ZFHX3: variants seen among roughly 807,000 people sequenced by gnomAD.
ZFHX3 encodes the protein zinc finger homeobox protein 3.
A neutral mutation model predicts 279.1 loss-of-function variants in ZFHX3; 42 were observed. That is an observed-to-expected ratio of 0.15 (90% CI 0.12 to 0.19). The LOEUF is 0.19. ZFHX3 is among the 10% of genes least tolerant of loss of function. ZFHX3 has a pLI of 1.00. For synonymous variants in ZFHX3, 2,293 were observed against 1,957.8 expected, an observed-to-expected ratio of 1.17 and a Z score of -4.52; for missense variants, 4,981 against 4,754.0, an observed-to-expected ratio of 1.05 and a Z score of -1.40.
intron 4 of ZFHX3, among the ~76,000 whole-genome samples, chr16:72,867,425 C>T (rs879717966): frequency 2.0e-5 from 3 of 152,190 alleles, no homozygotes; most frequent in South Asian, 2.1e-4. Flanking sequence ...GTGTCCCCTT[C>T]TATCTGGAAG....
chr16:73,742,240 G>A lies in ZFHX3; in HGVS notation c.-1607-62000C>T, dbSNP rs78909801. Among the ~76,000 whole-genome samples, 1,349 of 152,232 alleles carry A rather than the reference G, an allele frequency of 8.9e-3. 28 individuals are homozygous for A. The highest frequency in any genetic ancestry group is 0.03 in the African/African-American group (1,254 of 41,540). On this transcript the variant is annotated intron_variant, in intron 1 of 17. Transcript: ENST00000641206. ...ACACAAACACATTACTTTCTATCAT[G>A]CCTTTGTCTAGTTCACCCATTTTAA... is the stretch of plus-strand genomic sequence containing the variant.
chr16:73,698,860 T>C (rs540391855), intron 1 of ZFHX3, among the ~76,000 whole-genome samples: 1 of 77,444 alleles, frequency 1.3e-5, no homozygotes, highest in Admixed American at 1.4e-4. Context: ...AAATACAGTT[T>C]TATTTTTGTT....
Position 73,306,609 on chromosome 16 carries a change from C to A in ZFHX3, c.-1194+11631G>T, listed in dbSNP as rs921373158. Among the ~76,000 whole-genome samples the A allele has an allele frequency of 2.0e-5, 3 of 152,240 alleles. 1 individual carries two copies. The highest frequency in any genetic ancestry group is 4.4e-5 in the Non-Finnish European group (3 of 68,050). ...AAGTGCTGGGATTGGAGGCGTGAGC[C>A]ACTGCATCTGGCCCGCATGAATATT... On this transcript the variant is annotated intron_variant, in intron 4 of 17. Transcript: ENST00000641206.
At chr16:72,976,973 T>G (rs1348724675) in intron 1 of ZFHX3, among the ~76,000 whole-genome samples, 1 of 152,212 alleles carries the variant, frequency 6.6e-6, no homozygotes. Context: ...ATATTTTAGG[T>G]TGACCATTTC....
At chr16:73,157,174 G>A (rs1012122865) in intron 5 of ZFHX3, among the ~76,000 whole-genome samples, 3 of 152,104 alleles carry the variant, frequency 2.0e-5, no homozygotes, top group Admixed American at 6.5e-5. Flanking sequence ...AGGCCCCAAA[G>A]GGCTGTCTCC....
At chr16:73,648,253 C>T (rs1448380162) in intron 2 of ZFHX3, among the ~76,000 whole-genome samples, 1 of 152,148 alleles carries the variant, frequency 6.6e-6, no homozygotes, top group Non-Finnish European at 1.5e-5. Context: ...CTAAATTACT[C>T]ATTTTTCAGG....
rs199530649 is a variant in ZFHX3 at position 72,787,653 on chromosome 16, C to G, written c.10623G>C (p.Glu3541Asp). The change falls in exon 10 of 10, where the codon GAG becomes GAC. Residue 3541 changes from glutamate to aspartate, a missense_variant. Physicochemically the swap from Glu to Asp is conservative, Grantham distance 45. Around this residue, in one of 7 missense-constraint regions of ZFHX3, gnomAD observed 1,034 missense variants for 786.0 expected, o/e 1.32. Transcript: ENST00000268489. ...ACTCGAGATGTTGACTCAGAGCTTC[C>G]TCCCCACAGAGCGCGCTCTCGCACG... ...CLACESALCG[E>D]EALSQHLESA... is the part of the protein sequence containing the mutation. 4.5e-5 allele frequency: 72 copies of G among 1,597,860 alleles called. 1 individual carries two copies. In the Admixed American group the frequency reaches 1.2e-3, roughly 27 times the overall value.
At chr16:73,271,271 G>A (rs1371096554) in intron 4 of ZFHX3, among the ~76,000 whole-genome samples, 1 of 152,124 alleles carries the variant, frequency 6.6e-6, no homozygotes, top group African/African-American at 2.4e-5. Flanking sequence ...AACCAAATGG[G>A]CCCTTTTTGT....
intron 1 of ZFHX3, among the ~76,000 whole-genome samples, chr16:73,821,069 G>C (rs1284226517): frequency 6.6e-6 from 1 of 152,134 alleles, no homozygotes; most frequent in African/African-American, 2.4e-5. Flanking sequence ...CACAGTCAGG[G>C]GGTGGAGAAA....
At chr16:73,051,948 G>A (rs746545803), upstream of ZFHX3, among the ~76,000 whole-genome samples, 41 of 152,120 alleles carry the variant, frequency 2.7e-4, no homozygotes, top group Non-Finnish European at 5.0e-4. Context: ...ATGAAAAGGC[G>A]GACAGATGCT....
At chr16:73,446,127 A>C (rs1004707964) in intron 3 of ZFHX3, among the ~76,000 whole-genome samples, 28 of 152,182 alleles carry the variant, frequency 1.8e-4, no homozygotes, top group African/African-American at 6.0e-4. Context: ...GTTATGGTCT[A>C]TTAAGGTGTG....
At position 72,797,455 on chromosome 16, in the gene ZFHX3, G is replaced by C. The variant is rs1483274859; in HGVS notation, c.5227C>G (p.Gln1743Glu). 1 of 1,611,778 alleles carries C rather than the reference G, an allele frequency of 6.2e-7. No homozygotes were observed. The highest frequency in any genetic ancestry group is 8.5e-7 in the Non-Finnish European group (1 of 1,179,528). The change falls in exon 9 of 10, where the codon CAA becomes GAA. Residue 1743 changes from glutamine to glutamate, a missense_variant. Physicochemically the swap from Gln to Glu is conservative, Grantham distance 29 (BLOSUM62 2). Coordinates refer to ENST00000268489, the MANE Select transcript of ZFHX3 (RefSeq NM_006885.4). Reference protein sequence around the residue: ...QQQQQQQQQAQTLAQAQAQVQ... With the variant: ...QQQQQQQQQAETLAQAQAQVQ... The stretch of plus-strand genomic sequence containing the variant: ...TGAGCCTGGGCCTGGGCCAGCGTTT[G>C]TGCTTGTTGTTGTTGTTGTTGTTGT...
chr16:73,838,744 G>A (rs529420586), intron 1 of ZFHX3, among the ~76,000 whole-genome samples: 164 of 148,548 alleles, frequency 1.1e-3, no homozygotes, highest in Non-Finnish European at 1.9e-3. Flanking sequence ...GTGTGTGTGC[G>A]CACATGCGTG....
intron 2 of ZFHX3, among the ~76,000 whole-genome samples, chr16:73,597,292 C>T (rs531574342): frequency 3.2e-4 from 49 of 152,298 alleles, no homozygotes; most frequent in African/African-American, 1.1e-3. Context: ...CCTTCCATAA[C>T]ATTTGGTCTG....
intron 3 of ZFHX3, among the ~76,000 whole-genome samples, chr16:73,433,521 A>T (rs1019682999): frequency 6.6e-6 from 1 of 152,140 alleles, no homozygotes; most frequent in Non-Finnish European, 1.5e-5. Flanking sequence ...TTTCAAATCC[A>T]CTTGATAAGG....
chr16:73,467,724 T>G (rs1381508966), intron 2 of ZFHX3, among the ~76,000 whole-genome samples: 1 of 152,172 alleles, frequency 6.6e-6, no homozygotes, highest in African/African-American at 2.4e-5. Flanking sequence ...GAAAAAAAGT[T>G]AGGAAACAGA....
At chr16:73,170,751 T>G (rs1217252467) in intron 5 of ZFHX3, among the ~76,000 whole-genome samples, 3 of 152,204 alleles carry the variant, frequency 2.0e-5, no homozygotes, top group African/African-American at 7.2e-5. Context: ...GGGATCTTCC[T>G]GTCTGTACTT....
At position 72,788,656 on chromosome 16, in the gene ZFHX3, ACCTGTGGTTGCTGCTGCTGCTGCT is replaced by A; in HGVS notation, c.9596_9619del (p.Gln3199_Val3207delinsLeu). ...TGCTGGCGGCGGGGGAGGCTGCTGC[ACCTGTGGTTGCTGCTGCTGCTGCT>A]GCTGCTGGGGGGGTTGCTGAGGGCC... On this transcript the variant is annotated inframe_deletion, in exon 10 of 10. Transcript: ENST00000268489. 6.2e-7 allele frequency: 1 copy of A among 1,611,582 alleles called. No individual in the cohort carries two copies. The highest frequency in any genetic ancestry group is 8.5e-7 in the Non-Finnish European group (1 of 1,179,130).
chr16:73,743,670 CAAGAA>C (rs2053678714), intron 1 of ZFHX3, among the ~76,000 whole-genome samples: 1 of 151,796 alleles, frequency 6.6e-6, no homozygotes, highest in Non-Finnish European at 1.5e-5. Context: ...TATATATATA[CAAGAA>C]AAAGAGGTAC....
Sources: allele counts gnomAD v4.1 joint callset (sites outside exome capture counted in the v4.1 genomes callset), GRCh38; gene constraint gnomAD v4.1.1; regional missense constraint gnomAD v4.1.1; transcripts MANE v1.5; gene names NCBI Gene and HGNC (gene_info 2026-07-23, HGNC 2026-07-21).